The following PPP1R17 variants were observed in gnomAD, a reference collection of about 807,000 sequenced individuals.
The protein encoded by PPP1R17 is protein phosphatase 1 regulatory subunit 17.
In PPP1R17, 12 loss-of-function variants were observed where a neutral mutation model predicts 15.9. That is an observed-to-expected ratio of 0.75 (90% confidence interval 0.48 to 1.22). PPP1R17 has a LOEUF of 1.22. Ranked by LOEUF, PPP1R17 falls within the 50% of genes most tolerant of loss-of-function variation. PPP1R17 has a pLI of 0.00. For missense variants in PPP1R17, 211 were observed against 187.3 expected (o/e 1.13, Z -0.74); for synonymous variants, 63 against 64.5 (o/e 0.98, Z 0.11).
intron 4 of PPP1R17, among the ~76,000 whole-genome samples, chr7:31,697,670 G>T (rs1005234163): frequency 6.6e-6 from 1 of 152,176 alleles, no homozygotes; most frequent in Non-Finnish European, 1.5e-5. Context: ...AATAAGACAC[G>T]TATATTCATG....
chr7:31,688,592 C>T (rs1364789446), intron 1 of PPP1R17, among the ~76,000 whole-genome samples: 2 of 152,218 alleles, frequency 1.3e-5, no homozygotes, highest in Admixed American at 6.5e-5. Flanking sequence ...AGAAGGTGAC[C>T]TTTGTCATTA....
chr7:31,697,152 GATGGGGA>G, intron 4 of PPP1R17, 35 bp downstream of exon 4: 1 of 1,609,916 alleles, frequency 6.2e-7, no homozygotes, highest in Non-Finnish European at 8.5e-7. Flanking sequence ...TGCAGGGGGT[GATGGGGA>G]CAGGTCAAGA....
At chr7:31,688,946 A>G (rs1792221029) in intron 1 of PPP1R17, among the ~76,000 whole-genome samples, 1 of 152,362 alleles carries the variant, frequency 6.6e-6, no homozygotes, top group African/African-American at 2.4e-5. Context: ...ACACAAACTC[A>G]TTTGGTAGCA....
At chr7:31,693,835 G>A (rs1163728545) in intron 2 of PPP1R17, among the ~76,000 whole-genome samples, 1 of 152,106 alleles carries the variant, frequency 6.6e-6, no homozygotes, top group African/African-American at 2.4e-5. Context: ...AGGAAGAGAA[G>A]GAAATGAAAG....
intron 4 of PPP1R17, among the ~76,000 whole-genome samples, chr7:31,704,770 A>G (rs962362809): frequency 6.6e-6 from 1 of 152,200 alleles, no homozygotes; most frequent in African/African-American, 2.4e-5. Flanking sequence ...GTGAGTGCTC[A>G]AGGCTTAATG....
intron 4 of PPP1R17, among the ~76,000 whole-genome samples, chr7:31,697,519 A>G (rs1792646478): frequency 6.6e-6 from 1 of 152,218 alleles, no homozygotes; most frequent in Non-Finnish European, 1.5e-5. Context: ...ACAGAAAAAG[A>G]GATGCAGAAA....
chr7:31,691,731 C>T (rs1043490749), intron 1 of PPP1R17, among the ~76,000 whole-genome samples: 8 of 147,146 alleles, frequency 5.4e-5, no homozygotes, highest in African/African-American at 1.3e-4. Flanking sequence ...ATGTTTCTAC[C>T]ACCATCATAA....
Position 31,695,484 on chromosome 7 carries a change from A to T in PPP1R17, c.98A>T (p.Gln33Leu). 6.2e-7 allele frequency: 1 copy of T among 1,605,950 alleles called. No homozygotes were observed. Among genetic ancestry groups the T allele is most frequent in the Non-Finnish European group, 8.5e-7 (1 of 1,177,584 alleles). Residue 33 changes from glutamine (Q) to leucine (L), a missense_variant, in exon 3 of 5, where the codon CAG (glutamine) becomes CTG (leucine). Gln to Leu is a moderately radical substitution (Grantham distance 113). Coordinates refer to ENST00000342032, the MANE Select transcript of PPP1R17 (RefSeq NM_006658.5). Reference protein sequence around the residue: ...RCSHLDDLSDQFIKDCDLKKK... With the variant: ...RCSHLDDLSDLFIKDCDLKKK... ...TCAAAATTAGATGATCTTTCAGACC[A>T]GTTCATTAAGGACTGTGATCTCAAA...
intron 2 of PPP1R17, among the ~76,000 whole-genome samples, chr7:31,693,767 A>G (rs1243950848): frequency 1.3e-5 from 2 of 152,236 alleles, no homozygotes; most frequent in Non-Finnish European, 2.9e-5. Context: ...TTACCTGAAT[A>G]GTTTTTAGTA....
chr7:31,695,655 G>A (rs745836921), intron 3 of PPP1R17, 34 bp downstream of exon 3: 1 of 1,568,178 alleles, frequency 6.4e-7, no homozygotes, highest in Non-Finnish European at 8.6e-7. Context: ...AGCTGTAAAG[G>A]AGAGCCACTT....
At chr7:31,690,703 C>G (rs1293901489) in intron 1 of PPP1R17, among the ~76,000 whole-genome samples, 3 of 152,160 alleles carry the variant, frequency 2.0e-5, no homozygotes, top group Non-Finnish European at 2.9e-5. Context: ...TTAAAAACCG[C>G]CTTACCTTTC....
intron 1 of PPP1R17, among the ~76,000 whole-genome samples, chr7:31,687,682 GCC>G (rs1315124072): frequency 1.3e-5 from 2 of 152,188 alleles, no homozygotes; most frequent in Non-Finnish European, 2.9e-5. Flanking sequence ...CAGGAATACT[GCC>G]AATTTAGGTT....
chr7:31,704,155 G>A (rs1455147036), intron 4 of PPP1R17, among the ~76,000 whole-genome samples: 2 of 152,172 alleles, frequency 1.3e-5, no homozygotes, highest in African/African-American at 2.4e-5. Context: ...TTGGGACATC[G>A]AAGATCAAAA....
intron 4 of PPP1R17, among the ~76,000 whole-genome samples, chr7:31,704,981 C>T (rs1024298806): frequency 1.3e-5 from 2 of 152,112 alleles, no homozygotes; most frequent in Non-Finnish European, 2.9e-5. Flanking sequence ...TAAGGCTCAT[C>T]CTAAGCAATG....
At chr7:31,705,065 C>T (rs943670530) in intron 4 of PPP1R17, among the ~76,000 whole-genome samples, 7 of 152,268 alleles carry the variant, frequency 4.6e-5, no homozygotes, top group Middle Eastern at 3.4e-3. Context: ...TAATTCTTAA[C>T]TGTATTAATA....
chr7:31,695,968 C>T lies in PPP1R17; in HGVS notation c.235+347C>T, dbSNP rs149773878. The T allele has an allele frequency of 1.1e-4, 18 of 165,606 alleles. No homozygotes were observed. In the East Asian group the frequency reaches 2.9e-3, roughly 27 times the overall value. The allele number at this position is 165,606 out of a possible 1,614,324, so 10.3% of individuals were successfully genotyped here. A position where few individuals can be genotyped will look rare whatever the true frequency, so the allele number is the denominator to read the frequency against. ...AAGTCACCACAAGCTTCCACAGTCA[C>T]GATGAGTACCAAGGTCCAGCAGGCA... On this transcript the variant is annotated intron_variant, in intron 3 of 4. Transcript: ENST00000342032.
In PPP1R17 at chr7:31,700,663, T is replaced by C. The variant is rs372002766; in HGVS notation, c.388+3546T>C. ...TTCATAGCTGGAAAGGAGATGTCAATGCCTGGCTTCAAAACTTCAAAGGAC... is the reference window on the plus strand; with the variant it reads ...TTCATAGCTGGAAAGGAGATGTCAACGCCTGGCTTCAAAACTTCAAAGGAC... On this transcript the variant is annotated intron_variant, in intron 4 of 4. Transcript: ENST00000342032. Among the ~76,000 whole-genome samples the C allele has an allele frequency of 3.1e-4, 47 of 152,316 alleles. 1 individual carries two copies. The South Asian group carries it at 9.1e-3, about 30-fold the overall frequency.
At chr7:31,688,309 A>G (rs1279583723) in intron 1 of PPP1R17, among the ~76,000 whole-genome samples, 1 of 152,242 alleles carries the variant, frequency 6.6e-6, no homozygotes, top group Non-Finnish European at 1.5e-5. Flanking sequence ...CAAGCAGCCA[A>G]ACGTTGGCTT....
At chr7:31,695,283 T>A (rs763400017) in intron 2 of PPP1R17, among the ~76,000 whole-genome samples, 186 bp from the exon 3 acceptor site, 3 of 152,206 alleles carry the variant, frequency 2.0e-5, no homozygotes, top group Non-Finnish European at 1.5e-5. Flanking sequence ...TTTTCGATTT[T>A]GTTATATGAA....
Sources: gnomAD v4.1 joint callset for allele counts (sites outside exome capture counted in the v4.1 genomes callset) on GRCh38, gnomAD v4.1.1 for gene constraint, MANE v1.5 for transcripts, NCBI Gene and HGNC (gene_info 2026-07-23, HGNC 2026-07-21) for gene names.